Variants in COL14A1 observed in about 807,000 individuals in gnomAD.
COL14A1 encodes collagen type XIV alpha 1 chain, also known as collagen alpha-1(XIV) chain.
COL14A1 carries 136 observed loss-of-function variants against 230.3 expected under a neutral mutation model. The observed-to-expected ratio is 0.59, with a 90% CI of 0.51 to 0.68. The LOEUF is 0.68. Ranked by LOEUF, COL14A1 falls within the 30% of genes least tolerant of loss-of-function variation. COL14A1 has a pLI of 0.00. For missense variants in COL14A1, 1,976 were observed against 2,215.8 expected, an observed-to-expected ratio of 0.89 and a Z score of 2.17; for synonymous variants, 792 against 784.1, an observed-to-expected ratio of 1.01 and a Z score of -0.17.
chr8:120,366,046 G>A (rs910258392), intron 45 of COL14A1, among the ~76,000 whole-genome samples: 3 of 152,128 alleles, frequency 2.0e-5, no homozygotes, highest in South Asian at 2.1e-4. Flanking sequence ...GTTCCTCACC[G>A]GAGTCTTCTT....
intron 7 of COL14A1, among the ~76,000 whole-genome samples, chr8:120,198,287 T>C (rs1235556034): frequency 6.6e-6 from 1 of 152,166 alleles, no homozygotes; most frequent in African/African-American, 2.4e-5. Context: ...TTCTTCTTAT[T>C]TTCAAAGAAG....
chr8:120,293,184 T>C (rs537753977), intron 34 of COL14A1, among the ~76,000 whole-genome samples: 3 of 152,128 alleles, frequency 2.0e-5, no homozygotes, highest in African/African-American at 7.2e-5. Context: ...AATACTTAGG[T>C]AATTATCCAA....
intron 36 of COL14A1, among the ~76,000 whole-genome samples, chr8:120,303,950 C>A (rs1317924251): frequency 7.9e-5 from 12 of 152,124 alleles, no homozygotes; most frequent in Non-Finnish European, 1.2e-4. Context: ...GAATCAATTT[C>A]TTTCTGGTTT....
chr8:120,261,717 A>G (rs1291680191), intron 23 of COL14A1, among the ~76,000 whole-genome samples: 2 of 152,184 alleles, frequency 1.3e-5, no homozygotes, highest in East Asian at 3.8e-4. Context: ...TCCTTGGTAG[A>G]TAAAAAAAGA....
intron 22 of COL14A1, among the ~76,000 whole-genome samples, chr8:120,253,516 TTCTC>T (rs1563698226): frequency 6.6e-6 from 1 of 152,236 alleles, no homozygotes; most frequent in African/African-American, 2.4e-5. Context: ...TTATTATTTA[TTCTC>T]TCTATTTCTC....
chr8:120,148,811 C>A (rs1815179349), intron 2 of COL14A1, among the ~76,000 whole-genome samples: 1 of 152,176 alleles, frequency 6.6e-6, no homozygotes, highest in African/African-American at 2.4e-5. Context: ...CTGCTCTTTG[C>A]ATTCCTGGGA....
intron 40 of COL14A1, among the ~76,000 whole-genome samples, chr8:120,328,132 A>G (rs777484619): frequency 1.3e-5 from 2 of 152,266 alleles, no homozygotes; most frequent in African/African-American, 2.4e-5. Flanking sequence ...TGAATAAAAC[A>G]TAATTTTCTG....
In COL14A1 at chr8:120,371,850, T is replaced by A. The variant is rs1324788275; in HGVS notation, c.*619T>A. 5.3e-6 allele frequency: 2 copies of A among 378,180 alleles called. No homozygotes were observed. The highest frequency in any genetic ancestry group is 4.1e-5 in the African/African-American group (2 of 48,268). The allele number at this position is 378,180 out of a possible 1,614,324, so 23.4% of individuals were successfully genotyped here. Reference sequence around the variant, plus strand: ...GATTTAGTTTTTCAGTGGTTTTAACTCATGTGAAATAATGATTTTCCACCA... The same window carrying A: ...GATTTAGTTTTTCAGTGGTTTTAACACATGTGAAATAATGATTTTCCACCA... On this transcript the variant is annotated 3_prime_UTR_variant, in exon 48 of 48. Transcript: ENST00000297848.
At chr8:120,285,710 T>A (rs1820174099) in intron 32 of COL14A1, 151 bp from the exon 33 acceptor site, 2 of 602,552 alleles carry the variant, frequency 3.3e-6, no homozygotes, top group African/African-American at 1.9e-5. Flanking sequence ...TGCGGCAACC[T>A]GGGGACTGTA....
rs149137769 is a variant in COL14A1, at chr8:120,148,393, A to G, written c.88+463A>G. ...TGATCTGCCCACCTCGGCCTCCCGA[A>G]GTGCTGGGATTACAGGTGTGAGCCA... On this transcript the variant is annotated intron_variant, in intron 2 of 47. Transcript: ENST00000297848. Among the ~76,000 whole-genome samples the G allele has an allele frequency of 7.8e-3, 1,183 of 152,220 alleles. 17 individuals carry two copies. Among genetic ancestry groups the G allele is most frequent in the African/African-American group, 0.026 (1,088 of 41,528 alleles).
intron 18 of COL14A1, among the ~76,000 whole-genome samples, chr8:120,229,686 C>T (rs1818208324): frequency 6.6e-6 from 1 of 152,166 alleles, no homozygotes. Context: ...GGAATCGCCA[C>T]ACTGTCTTCC....
intron 5 of COL14A1, among the ~76,000 whole-genome samples, chr8:120,190,604 G>A (rs1816790738): frequency 6.6e-6 from 1 of 152,108 alleles, no homozygotes. Context: ...TCTCCTCTTT[G>A]TACCTCTGGT....
At chr8:120,140,387 G>A (rs754391899) in intron 1 of COL14A1, among the ~76,000 whole-genome samples, 1 of 151,736 alleles carries the variant, frequency 6.6e-6, no homozygotes, top group Non-Finnish European at 1.5e-5. Context: ...GATATGGTAC[G>A]AAGTTTTGTA....
chr8:120,327,631 A>G (rs1207883287), intron 40 of COL14A1, among the ~76,000 whole-genome samples: 1 of 152,192 alleles, frequency 6.6e-6, no homozygotes, highest in Non-Finnish European at 1.5e-5. Flanking sequence ...GTTCAAGAGC[A>G]AGGAGAATGA....
In COL14A1 at chr8:120,211,799, C is replaced by T. The variant is rs189099401; in HGVS notation, c.1468-649C>T. On this transcript the variant is annotated intron_variant, in intron 12 of 47. Transcript: ENST00000297848. ...TTCCTTCCAAAACATAAAACTATCT[C>T]GTCACTCTACTGTCACACAACTGAG... 5.5e-3 allele frequency among the ~76,000 whole-genome samples: 836 copies of T among 152,230 alleles called. 11 individuals carry two copies. The highest frequency in any genetic ancestry group is 0.019 in the African/African-American group (796 of 41,528).
chr8:120,265,078 T>C (rs575885588), intron 24 of COL14A1, among the ~76,000 whole-genome samples: 9 of 152,250 alleles, frequency 5.9e-5, no homozygotes, highest in African/African-American at 2.2e-4. Flanking sequence ...TCCCTCTTTA[T>C]ATGACAGCCC....
At chr8:120,297,837 G>T (rs1820574093) in intron 35 of COL14A1, among the ~76,000 whole-genome samples, 1 of 151,878 alleles carries the variant, frequency 6.6e-6, no homozygotes, top group Non-Finnish European at 1.5e-5. Context: ...AGATTCCATG[G>T]CTCATGAAGC....
At chr8:120,316,493 G>A (rs996183775) in intron 40 of COL14A1, among the ~76,000 whole-genome samples, 6 of 152,106 alleles carry the variant, frequency 3.9e-5, no homozygotes, top group East Asian at 1.9e-4. Context: ...AAAGGGATAC[G>A]CTAACATCTG....
chr8:120,183,446 CA>C (rs1334392790), intron 5 of COL14A1, among the ~76,000 whole-genome samples: 3 of 152,136 alleles, frequency 2.0e-5, no homozygotes, highest in Non-Finnish European at 2.9e-5. Context: ...TAGTATTTCC[CA>C]AGACAGTCAT....
Sources: allele counts gnomAD v4.1 joint callset (sites outside exome capture counted in the v4.1 genomes callset), GRCh38; gene constraint gnomAD v4.1.1; transcripts MANE v1.5; gene names NCBI Gene and HGNC (gene_info 2026-07-23, HGNC 2026-07-21).